The following RSPO4 variants were observed in gnomAD, a reference collection of about 807,000 sequenced individuals.
The protein encoded by RSPO4 is R-spondin 4, also known as R-spondin-4.
RSPO4 carries 23 observed loss-of-function variants against 24.8 expected under a neutral mutation model. The ratio of observed to expected loss-of-function variants is 0.93; its 90% CI spans 0.67 to 1.31. RSPO4 has a LOEUF of 1.31. Among genes scored for constraint, RSPO4 ranks in the 40% most tolerant of loss-of-function variants. RSPO4 has a pLI of 0.00. For missense variants in RSPO4, 333 were observed against 316.5 expected (o/e 1.05, Z -0.39); for synonymous variants, 141 against 127.4 (o/e 1.11, Z -0.72).
chr20:961,529 C>G (rs1403216188), intron 4 of RSPO4, among the ~76,000 whole-genome samples: 1 of 152,168 alleles, frequency 6.6e-6, no homozygotes, highest in Non-Finnish European at 1.5e-5. Context: ...GGAGCTAAGA[C>G]CAGGCTACCC....
chr20:979,605 C>A (rs1481480517), intron 1 of RSPO4, among the ~76,000 whole-genome samples: 1 of 152,182 alleles, frequency 6.6e-6, no homozygotes, highest in Non-Finnish European at 1.5e-5. Context: ...CCTTTCTCCC[C>A]AAGATATGTA....
chr20:976,365 G>A (rs559985973), intron 1 of RSPO4, among the ~76,000 whole-genome samples: 1 of 152,308 alleles, frequency 6.6e-6, no homozygotes, highest in African/African-American at 2.4e-5. Context: ...CCCTCTGGAT[G>A]GTGAAGTGCT....
intron 4 of RSPO4, among the ~76,000 whole-genome samples, chr20:961,558 G>A (rs770125806): frequency 1.3e-5 from 2 of 152,084 alleles, no homozygotes; most frequent in African/African-American, 2.4e-5. Flanking sequence ...GGCTCCCCAC[G>A]CCCACTCTGA....
chr20:962,968 C>T (rs527672312), intron 4 of RSPO4, among the ~76,000 whole-genome samples: 121 of 152,292 alleles, frequency 7.9e-4, no homozygotes, highest in Non-Finnish European at 1.6e-3. Flanking sequence ...CATGAGTTAA[C>T]GATTATAGAG....
At chr20:992,009 G>A (rs1005161294) in intron 1 of RSPO4, among the ~76,000 whole-genome samples, 7 of 149,130 alleles carry the variant, frequency 4.7e-5, no homozygotes, top group African/African-American at 1.7e-4. Context: ...AGTGAATGAC[G>A]GGGGTGGTGT....
At chr20:977,340 T>C (rs1291362321) in intron 1 of RSPO4, among the ~76,000 whole-genome samples, 4 of 152,148 alleles carry the variant, frequency 2.6e-5, no homozygotes, top group African/African-American at 9.7e-5. Context: ...ACTGGTTGGA[T>C]TGAAATTTCA....
intron 1 of RSPO4, 146 bp from the exon 2 acceptor site, chr20:968,284 AC>A: frequency 1.4e-6 from 1 of 698,358 alleles, no homozygotes. Flanking sequence ...ACCTTCCCTT[AC>A]AACTAGATAT....
At position 960,250 on chromosome 20, in the gene RSPO4, C is replaced by A. The variant is rs967186011; in HGVS notation, c.*107G>T. On this transcript the variant is annotated 3_prime_UTR_variant, in exon 5 of 5. Coordinates refer to ENST00000217260, the MANE Select transcript of RSPO4 (RefSeq NM_001029871.4). Reference sequence around the variant, plus strand: ...TAGAAGGGTGGAAAGAAAGAGAGGACAAATGGAGAAGACAGAGGAGAAAGA... The same window carrying A: ...TAGAAGGGTGGAAAGAAAGAGAGGAAAAATGGAGAAGACAGAGGAGAAAGA... The A allele has an allele frequency of 5.5e-6, 4 of 721,772 alleles. No homozygotes were observed. Among genetic ancestry groups the A allele is most frequent in the Non-Finnish European group, 2.4e-6 (1 of 412,356 alleles). The allele number at this position is 721,772 out of a possible 1,614,324, so 44.7% of individuals were successfully genotyped here. A position where few individuals can be genotyped will look rare whatever the true frequency, so the allele number is the denominator to read the frequency against.
chr20:979,002 TCTC>T (rs574097685), intron 1 of RSPO4, among the ~76,000 whole-genome samples: 82 of 152,168 alleles, frequency 5.4e-4, no homozygotes, highest in African/African-American at 1.9e-3. Context: ...CAAACCTGCT[TCTC>T]CTGTCCATTT....
rs1046970680 is a variant in RSPO4, at chr20:970,734, A to G, written c.80-2596T>C. Among the ~76,000 whole-genome samples, 8 of 152,236 alleles carry G rather than the reference A, an allele frequency of 5.3e-5. No homozygotes were observed. Among genetic ancestry groups the G allele is most frequent in the African/African-American group, 1.4e-4 (6 of 41,456 alleles). Reference sequence around the variant, plus strand: ...CCCAGAGCTGGCAAGAATGAGAGGAAACCTTCGCTTTTTCACCTTAGATAG... The same window carrying G: ...CCCAGAGCTGGCAAGAATGAGAGGAGACCTTCGCTTTTTCACCTTAGATAG... On this transcript the variant is annotated intron_variant, in intron 1 of 4. Transcript: ENST00000217260. The surrounding 1 kb of genome is among the most constrained non-coding windows in gnomAD (Gnocchi z 4.1).
chr20:964,779 T>C (rs189214398), intron 3 of RSPO4, among the ~76,000 whole-genome samples: 1,169 of 108,016 alleles, frequency 0.011, 30 homozygotes, highest in African/African-American at 0.069. Flanking sequence ...CACACACACA[T>C]ATATATATAC....
intron 1 of RSPO4, among the ~76,000 whole-genome samples, chr20:969,249 G>T (rs1568911330): frequency 6.6e-6 from 1 of 152,262 alleles, no homozygotes; most frequent in Non-Finnish European, 1.5e-5. Flanking sequence ...GGGGAAGGCT[G>T]CAGTGAGCTG....
Position 960,224 on chromosome 20 carries a change from A to G in RSPO4, c.*133T>C. Reference sequence around the variant, plus strand: ...GGGAAGGTAGACTGACAGAAAAATGATAGAAGGGTGGAAAGAAAGAGAGGA... The same window carrying G: ...GGGAAGGTAGACTGACAGAAAAATGGTAGAAGGGTGGAAAGAAAGAGAGGA... On this transcript the variant is annotated 3_prime_UTR_variant, in exon 5 of 5. Coordinates refer to ENST00000217260, the MANE Select transcript of RSPO4 (RefSeq NM_001029871.4). 3.1e-6 allele frequency: 2 copies of G among 649,570 alleles called. No homozygotes were observed. The highest frequency in any genetic ancestry group is 5.5e-6 in the Non-Finnish European group (2 of 365,350). 40.2% of individuals were successfully genotyped at this position (649,570 alleles called of 1,614,324 possible).
intron 4 of RSPO4, among the ~76,000 whole-genome samples, chr20:962,512 A>T (rs1245954733): frequency 6.6e-6 from 1 of 152,188 alleles, no homozygotes; most frequent in Non-Finnish European, 1.5e-5. Flanking sequence ...GAGAGGTGCC[A>T]TGTGGTAATG....
rs567585028 is a variant in RSPO4 at position 993,835 on chromosome 20, T to TA, written c.79+8250dup. On this transcript the variant is annotated intron_variant, in intron 1 of 4. Coordinates refer to ENST00000217260, the MANE Select transcript of RSPO4 (RefSeq NM_001029871.4). The stretch of plus-strand genomic sequence containing the variant: ...TGCTTCCTCCTCTGTAAAATGTGGG[T>TA]AATAACAGGCCCCTCAGAGGGGTGC... Among the ~76,000 whole-genome samples, 112 of 152,242 alleles carry TA rather than the reference T, an allele frequency of 7.4e-4. 1 individual carries two copies. The South Asian group carries it at 0.022, about 30-fold the overall frequency.
chr20:977,848 C>T (rs1343665871), intron 1 of RSPO4, among the ~76,000 whole-genome samples: 1 of 152,122 alleles, frequency 6.6e-6, no homozygotes, highest in East Asian at 1.9e-4. Flanking sequence ...CAGTGCTGGG[C>T]AGCGCATCCT....
At chr20:997,833 GAGA>G (rs1341898557) in intron 1 of RSPO4, among the ~76,000 whole-genome samples, 2 of 152,196 alleles carry the variant, frequency 1.3e-5, no homozygotes, top group African/African-American at 2.4e-5. Flanking sequence ...TCAGAGAGAG[GAGA>G]AGGTTTGCTC....
chr20:973,618 C>A (rs536451363), intron 1 of RSPO4, among the ~76,000 whole-genome samples: 5 of 152,254 alleles, frequency 3.3e-5, no homozygotes, highest in Admixed American at 3.3e-4. Flanking sequence ...GGATTACAGG[C>A]ACCCCCACCA....
intron 1 of RSPO4, among the ~76,000 whole-genome samples, chr20:978,829 T>G (rs1263274502): frequency 6.6e-6 from 1 of 152,014 alleles, no homozygotes; most frequent in Non-Finnish European, 1.5e-5. Flanking sequence ...CAAGATGATA[T>G]TGTACTCATT....
Sources: allele counts gnomAD v4.1 joint callset (sites outside exome capture counted in the v4.1 genomes callset), GRCh38; gene constraint gnomAD v4.1.1; non-coding constraint Gnocchi (gnomAD v3.1); transcripts MANE v1.5; gene names NCBI Gene and HGNC (gene_info 2026-07-23, HGNC 2026-07-21).